ESRP1: variants seen among roughly 807,000 people sequenced by gnomAD.
The protein encoded by ESRP1 is RNA-binding motif protein 35A.
A neutral mutation model predicts 81.7 loss-of-function variants in ESRP1; 33 were observed. The observed-to-expected ratio is 0.40, with a 90% CI of 0.31 to 0.54. The LOEUF is 0.54. ESRP1 is among the 20% of genes least tolerant of loss of function. The probability of loss-of-function intolerance (pLI) is 0.41; values close to 1 mark genes in which losing one functional copy is unlikely to be tolerated. For synonymous variants in ESRP1, 320 were observed against 303.3 expected, an observed-to-expected ratio of 1.06 and a Z score of -0.57; for missense variants, 672 against 833.1, an observed-to-expected ratio of 0.81 and a Z score of 2.38.
intron 4 of ESRP1, among the ~76,000 whole-genome samples, chr8:94,653,968 T>C (rs1459923396): frequency 6.6e-6 from 1 of 152,220 alleles, no homozygotes; most frequent in Non-Finnish European, 1.5e-5. Context: ...CTAGAAATAC[T>C]GCATATTCCT....
intron 13 of ESRP1, among the ~76,000 whole-genome samples, chr8:94,681,036 C>T (rs1179662682): frequency 6.6e-6 from 1 of 151,498 alleles, no homozygotes. Context: ...GACTCTATCT[C>T]TACTAAAAAT....
chr8:94,669,565 C>A (rs1198103600), intron 10 of ESRP1, among the ~76,000 whole-genome samples: 12 of 152,082 alleles, frequency 7.9e-5, no homozygotes, highest in East Asian at 1.9e-4. Flanking sequence ...TACATTCTTA[C>A]AATTTAAAAT....
intron 6 of ESRP1, 49 bp downstream of exon 6, chr8:94,662,604 T>G (rs748321091): frequency 2.7e-6 from 4 of 1,486,134 alleles, no homozygotes; most frequent in East Asian, 4.6e-5. Context: ...TGTTTTTTTT[T>G]TTTGTCTGTT....
At chr8:94,669,959 A>T (rs1276345430) in intron 10 of ESRP1, among the ~76,000 whole-genome samples, 1 of 152,114 alleles carries the variant, frequency 6.6e-6, no homozygotes, top group Non-Finnish European at 1.5e-5. Context: ...GTTTTCAAAC[A>T]TGACAAACAT....
chr8:94,672,708 T>G (rs763693312), intron 11 of ESRP1, among the ~76,000 whole-genome samples: 12 of 152,150 alleles, frequency 7.9e-5, no homozygotes, highest in African/African-American at 2.9e-4. Flanking sequence ...AATTTTGGTA[T>G]TTTTAGTAGA....
At chr8:94,673,882 C>T (rs1563534653) in intron 11 of ESRP1, among the ~76,000 whole-genome samples, 1 of 152,134 alleles carries the variant, frequency 6.6e-6, no homozygotes, top group Non-Finnish European at 1.5e-5. Flanking sequence ...AATACCGGTT[C>T]AGTTTCCTGT....
Position 94,675,029 on chromosome 8 carries a change from C to CA in ESRP1, c.1651+531dup, listed in dbSNP as rs953154374. ...AGTGAGCAAAAACAAAAAACAAAAA[C>CA]AAAAAAAACCACATAGATTAATTAG... On this transcript the variant is annotated intron_variant, in intron 12 of 15. Transcript: ENST00000433389. Among the ~76,000 whole-genome samples, 53 of 151,912 alleles carry CA rather than the reference C, an allele frequency of 3.5e-4. No individual in the cohort carries two copies. In the Middle Eastern group the frequency reaches 0.01, roughly 29 times the overall value.
At chr8:94,672,023 T>C (rs553970952) in intron 11 of ESRP1, among the ~76,000 whole-genome samples, 1 of 152,302 alleles carries the variant, frequency 6.6e-6, no homozygotes, top group Admixed American at 6.5e-5. Flanking sequence ...ACATTATCAA[T>C]AGCGTCAAGT....
At chr8:94,669,534 G>A (rs1275010540) in intron 10 of ESRP1, among the ~76,000 whole-genome samples, 1 of 152,082 alleles carries the variant, frequency 6.6e-6, no homozygotes, top group Admixed American at 6.6e-5. Context: ...TTGTACTGGT[G>A]CTCTTGAACC....
chr8:94,703,261 T>C (rs542411379), intron 15 of ESRP1, among the ~76,000 whole-genome samples: 17 of 151,924 alleles, frequency 1.1e-4, no homozygotes, highest in Admixed American at 5.2e-4. Flanking sequence ...TTCAAGCGAT[T>C]CTCCTGCCTC....
rs1372356563 is a variant in ESRP1 at position 94,641,254 on chromosome 8, C to A, written c.-65C>A. The A allele has an allele frequency of 2.7e-6, 4 of 1,500,022 alleles. No individual in the cohort carries two copies. The East Asian group carries it at 9.3e-5, about 35-fold the overall frequency. 92.9% of individuals were successfully genotyped at this position (1,500,022 alleles called of 1,614,324 possible). A position where few individuals can be genotyped will look rare whatever the true frequency, so the allele number is the denominator to read the frequency against. On this transcript the variant is annotated 5_prime_UTR_variant, in exon 1 of 16. Transcript: ENST00000433389. ...GAAGAGGGTTTAGCACAGGTTTTTT[C>A]GTTCTCACTTCCACACCACCTTACC...
chr8:94,681,269 T>C (rs1193235144), intron 13 of ESRP1, among the ~76,000 whole-genome samples: 3 of 128,402 alleles, frequency 2.3e-5, no homozygotes, highest in African/African-American at 9.2e-5. Context: ...GAGCTTGCAG[T>C]GAGCCAAGAT....
intron 4 of ESRP1, among the ~76,000 whole-genome samples, chr8:94,658,433 G>A (rs1158059962): frequency 6.6e-6 from 1 of 152,212 alleles, no homozygotes; most frequent in Non-Finnish European, 1.5e-5. Flanking sequence ...CAACAGTCGA[G>A]AAAATAGCAT....
chr8:94,645,734 A>G (rs1332841889), intron 3 of ESRP1, among the ~76,000 whole-genome samples: 1 of 152,210 alleles, frequency 6.6e-6, no homozygotes, highest in Non-Finnish European at 1.5e-5. Flanking sequence ...TTAGAACCCA[A>G]TAGTTAGAAC....
intron 10 of ESRP1, chr8:94,668,462 G>A (rs1175958461): frequency 2.5e-6 from 1 of 402,898 alleles, no homozygotes; most frequent in Non-Finnish European, 4.4e-6. Context: ...TACAGAAATG[G>A]GATACTGCTA....
chr8:94,647,695 TG>T (rs1563517098), intron 4 of ESRP1, among the ~76,000 whole-genome samples: 1 of 152,172 alleles, frequency 6.6e-6, no homozygotes, highest in South Asian at 2.1e-4. Context: ...CATAGGACTT[TG>T]GGGGAGGTGG....
Position 94,705,932 on chromosome 8 carries a change from A to G in ESRP1, c.*43A>G. 1 of 1,514,466 alleles carries G rather than the reference A, an allele frequency of 6.6e-7. No individual in the cohort carries two copies. Among genetic ancestry groups the G allele is most frequent in the Non-Finnish European group, 8.8e-7 (1 of 1,134,450 alleles). 93.8% of individuals were successfully genotyped at this position (1,514,466 alleles called of 1,614,324 possible). A position where few individuals can be genotyped will look rare whatever the true frequency, so the allele number is the denominator to read the frequency against. ...TTTTTTTTTTTTTTTCAGTGTTTGA[A>G]AGATGTATGGTGATCTTGAAACCTC... On this transcript the variant is annotated 3_prime_UTR_variant, in exon 16 of 16. Transcript: ENST00000433389.
At chr8:94,697,734 G>C (rs1254730000) in intron 15 of ESRP1, among the ~76,000 whole-genome samples, 1 of 152,078 alleles carries the variant, frequency 6.6e-6, no homozygotes, top group Non-Finnish European at 1.5e-5. Flanking sequence ...GAGTCATGTA[G>C]TGATTCTTTT....
chr8:94,676,880 C>T (rs1166507402), intron 12 of ESRP1, among the ~76,000 whole-genome samples: 3 of 150,930 alleles, frequency 2.0e-5, no homozygotes, highest in African/African-American at 4.9e-5. Flanking sequence ...GAACCGGGCG[C>T]GGTGGCTTAC....
Sources: gnomAD v4.1 joint callset for allele counts (sites outside exome capture counted in the v4.1 genomes callset) on GRCh38, gnomAD v4.1.1 for gene constraint, MANE v1.5 for transcripts, NCBI Gene and HGNC (gene_info 2026-07-23, HGNC 2026-07-21) for gene names.